ARAF: variants seen among roughly 807,000 people sequenced by gnomAD.
The protein encoded by ARAF is serine/threonine-protein kinase A-Raf.
A neutral mutation model predicts 48.0 loss-of-function variants in ARAF; 18 were observed. The ratio of observed to expected loss-of-function variants is 0.37; its 90% CI spans 0.26 to 0.56. The LOEUF is 0.56. Among genes scored for constraint, ARAF ranks in the 20% least tolerant of loss-of-function variants. The pLI is 0.77. For missense variants in ARAF, 389 were observed against 543.1 expected, an observed-to-expected ratio of 0.72 and a Z score of 2.82; for synonymous variants, 207 against 220.1, an observed-to-expected ratio of 0.94 and a Z score of 0.53.
At chrX:47,571,215 GTGT>G in intron 15 of ARAF, 105 bp from the exon 16 acceptor site, 1 of 809,991 alleles carries the variant, frequency 1.2e-6, no homozygotes, top group Non-Finnish European at 1.7e-6. Context: ...ACTGTTGGGT[GTGT>G]GTGTGTGTGT....
rs780392848 is a variant in ARAF, at chrX:47,569,605, G to A, written c.1367G>A (p.Arg456Gln). Residue 456 changes from arginine to glutamine, a missense_variant, in exon 13 of 16, where the codon CGA (arginine) becomes CAA (glutamine). By Grantham distance (43) the Arg-to-Gln change is conservative. Coordinates refer to ENST00000377045, the MANE Select transcript of ARAF (RefSeq NM_001654.5). ...GDFGLATVKTRWSGAQPLEQP... is the reference protein window; with the variant it reads ...GDFGLATVKTQWSGAQPLEQP... ...TTTGGCTTGGCCACAGTGAAGACTC[G>A]ATGGAGCGGGGCCCAGCCCTTGGAG... The A allele has an allele frequency of 4.1e-6, 5 of 1,207,639 alleles. No homozygotes were observed. The highest frequency in any genetic ancestry group is 3.0e-5 in the East Asian group (1 of 33,690).
Position 47,569,958 on chromosome X carries a change from C to A in ARAF, c.1485C>A (p.Tyr495Ter). The A allele has an allele frequency of 8.3e-7, 1 of 1,205,187 alleles. No individual in the cohort carries two copies. Among genetic ancestry groups the A allele is most frequent in the Non-Finnish European group, 1.1e-6 (1 of 892,489 alleles). The part of the protein sequence containing the change: ...PYSFQSDVYA[Y>*]GVVLYELMTG... ...GCTTCCAGTCAGACGTCTATGCCTACGGGGTTGTGCTCTACGAGCTTATGA... is the reference window on the plus strand; with the variant it reads ...GCTTCCAGTCAGACGTCTATGCCTAAGGGGTTGTGCTCTACGAGCTTATGA... Residue 495 changes from tyrosine (Y) to a stop codon, truncating the protein, a stop_gained, in exon 14 of 16, where the codon TAC becomes TAA. Transcript: ENST00000377045. LOFTEE classifies it high-confidence loss of function.
chrX:47,569,696 G>A (rs1173092740), intron 13 of ARAF, 39 bp downstream of exon 13: 6 of 1,163,388 alleles, frequency 5.2e-6, no homozygotes, highest in East Asian at 3.0e-5. Context: ...ACATGGGGAC[G>A]TGGGCTCCGG....
intron 1 of ARAF, 109 bp from the exon 2 acceptor site, chrX:47,562,800 G>T (rs1413152931): frequency 4.6e-6 from 2 of 436,911 alleles, no homozygotes; most frequent in African/African-American, 4.9e-5. Context: ...TGAAAATTAG[G>T]CTGCAGGGGG....
At position 47,568,828 on chromosome X, in the gene ARAF, T is replaced by C; in HGVS notation, c.1187T>C (p.Val396Ala). Residue 396 changes from valine (V) to alanine (A), a missense_variant, in exon 11 of 16, where the codon GTG (valine) becomes GCG (alanine). Val to Ala is a moderately conservative substitution (Grantham distance 64). Transcript: ENST00000377045. ...EGSSLYHHLHVADTRFDMVQL... is the reference protein window; with the variant it reads ...EGSSLYHHLHAADTRFDMVQL... ...TCCAGCCTCTACCATCACCTGCATGTGGCCGACACACGCTTCGACATGGTC... is the reference window on the plus strand; with the variant it reads ...TCCAGCCTCTACCATCACCTGCATGCGGCCGACACACGCTTCGACATGGTC... The C allele has an allele frequency of 2.5e-6, 3 of 1,210,561 alleles. No homozygotes were observed. Among genetic ancestry groups the C allele is most frequent in the Non-Finnish European group, 3.4e-6 (3 of 895,123 alleles).
At chrX:47,561,767 A>G in intron 1 of ARAF, among the ~76,000 whole-genome samples, 1 of 107,118 alleles carries the variant, frequency 9.3e-6, no homozygotes, top group Non-Finnish European at 1.9e-5. Flanking sequence ...GTTGTCAAGG[A>G]GAATTTTGGA....
In ARAF at chrX:47,567,077, G is replaced by A; in HGVS notation, c.819G>A (p.Lys273=). The A allele has an allele frequency of 8.3e-7, 1 of 1,212,100 alleles. No individual in the cohort carries two copies. Among genetic ancestry groups the A allele is most frequent in the Non-Finnish European group, 1.1e-6 (1 of 895,634 alleles). Residue 273 remains lysine, a synonymous_variant, in exon 9 of 16, where the codon AAG becomes AAA. Transcript: ENST00000377045. Reference sequence around the variant, plus strand: ...CGGGGAGGAAGTCCCCACATTCCAAGTCACCAGCAGAGCAGCGCGAGCGGA... The same window carrying A: ...CGGGGAGGAAGTCCCCACATTCCAAATCACCAGCAGAGCAGCGCGAGCGGA... ...VSSGRKSPHS[K]SPAEQRERKS...
rs764281834 is a variant in ARAF, at chrX:47,571,372, G to A, written c.1736G>A (p.Arg579Gln). Residue 579 changes from arginine (R) to glutamine (Q), a missense_variant, in exon 16 of 16, where the codon CGG becomes CAG. Transcript: ENST00000377045. ...LLQRSLPKIE[R>Q]SASEPSLHRT... The stretch of plus-strand genomic sequence containing the variant: ...CAACGGTCACTCCCCAAGATTGAGC[G>A]GAGTGCCTCGGAACCCTCCTTGCAC... 1.7e-6 allele frequency: 2 copies of A among 1,210,294 alleles called. No individual in the cohort carries two copies. The highest frequency in any genetic ancestry group is 2.2e-6 in the Non-Finnish European group (2 of 894,905).
chrX:47,566,715 T>C lies in ARAF; in HGVS notation c.634T>C (p.Ser212Pro). ...CAATGCCCCCCTACAGCGCATCCGC[T>C]CCACGTCCACTCCCAACGTCCATAT... ...PANAPLQRIR[S>P]TSTPNVHMVS... Residue 212 changes from serine to proline, a missense_variant, in exon 7 of 16, where the codon TCC (serine) becomes CCC (proline). Physicochemically the swap from Ser to Pro is moderately conservative, Grantham distance 74 (BLOSUM62 -1). Around this residue, in one of 4 missense-constraint regions of ARAF, gnomAD observed 154 missense variants for 133.6 expected, o/e 1.15. Coordinates refer to ENST00000377045, the MANE Select transcript of ARAF (RefSeq NM_001654.5). The C allele has an allele frequency of 8.3e-7, 1 of 1,206,753 alleles. No individual in the cohort carries two copies. Among genetic ancestry groups the C allele is most frequent in the Non-Finnish European group, 1.1e-6 (1 of 893,304 alleles).
At position 47,563,003 on chromosome X, in the gene ARAF, C is replaced by T. The variant is rs773815973; in HGVS notation, c.36C>T (p.Ala12=). The change falls in exon 2 of 16, where the codon GCC becomes GCT. Residue 12 remains alanine (A), a synonymous_variant. Transcript: ENST00000377045. ...EPPRGPPANG[A]EPSRAVGTVK... ...CACGGGGCCCCCCTGCCAATGGGGC[C>T]GAGCCATCCCGGGCAGTGGGCACCG... 11 of 1,194,111 alleles carry T rather than the reference C, an allele frequency of 9.2e-6. No homozygotes were observed. The highest frequency in any genetic ancestry group is 3.7e-5 in the South Asian group (2 of 54,452).
At position 47,563,034 on chromosome X, in the gene ARAF, G is replaced by C; in HGVS notation, c.67G>C (p.Val23Leu). Residue 23 changes from valine to leucine, a missense_variant, in exon 2 of 16, where the codon GTA (valine) becomes CTA (leucine). Val to Leu is a conservative substitution (Grantham distance 32). Transcript: ENST00000377045. ...EPSRAVGTVK[V>L]YLPNKQRTVV... is the part of the protein sequence containing the mutation. ...ATCCCGGGCAGTGGGCACCGTCAAA[G>C]TATACCTGCCCAACAAGCAACGCAC... is the stretch of plus-strand genomic sequence containing the variant. 1 of 1,200,387 alleles carries C rather than the reference G, an allele frequency of 8.3e-7. No individual in the cohort carries two copies. The highest frequency in any genetic ancestry group is 1.1e-6 in the Non-Finnish European group (1 of 889,729).
At chrX:47,562,440 A>G (rs1183945028) in intron 1 of ARAF, among the ~76,000 whole-genome samples, 2 of 102,712 alleles carry the variant, frequency 1.9e-5, no homozygotes, top group African/African-American at 7.1e-5. Context: ...AGCTGAGACC[A>G]TGCCATTGCA....
chrX:47,563,409 T>A, intron 3 of ARAF, 80 bp downstream of exon 3: 1 of 772,110 alleles, frequency 1.3e-6, no homozygotes, highest in Non-Finnish European at 1.9e-6. Flanking sequence ...CCTTCTGTAC[T>A]TTATCACAGA....
At chrX:47,569,128 A>G (rs2057745023) in intron 12 of ARAF, 95 bp downstream of exon 12, 1 of 1,060,367 alleles carries the variant, frequency 9.4e-7, no homozygotes, top group Non-Finnish European at 1.3e-6. Context: ...AGGGAGGGGC[A>G]TGTGTCCCAG....
At chrX:47,564,736 T>C (rs1248282489) in intron 3 of ARAF, 61 bp from the exon 4 acceptor site, 1 of 969,407 alleles carries the variant, frequency 1.0e-6, no homozygotes, top group Non-Finnish European at 1.4e-6. Context: ...TTGTGGGGGT[T>C]CCCTGCCTCC....
chrX:47,568,622 C>T, intron 10 of ARAF, 96 bp from the exon 11 acceptor site: 1 of 929,164 alleles, frequency 1.1e-6, no homozygotes. Context: ...AAATAAATGA[C>T]CGAGGAAGGT....
intron 6 of ARAF, chrX:47,565,867 A>G: frequency 6.4e-6 from 1 of 155,611 alleles, no homozygotes; most frequent in Non-Finnish European, 1.1e-5. Flanking sequence ...TGCATATTTT[A>G]TGGTATATTT....
intron 15 of ARAF, 98 bp downstream of exon 15, chrX:47,571,110 AGTGTGTGTGTGTGTGTGT>A (rs34644595): frequency 9.7e-6 from 8 of 820,992 alleles, no homozygotes; most frequent in Non-Finnish European, 1.3e-5. Context: ...TCAGAGGTAT[AGTGTGTGTGTGTGTGTGT>A]GTGTGTGTGT....
chrX:47,569,061 G>T, intron 12 of ARAF, 28 bp downstream of exon 12: 1 of 1,181,537 alleles, frequency 8.5e-7, no homozygotes, highest in Non-Finnish European at 1.1e-6. Context: ...GGCTGGGGTT[G>T]AGTGGGGGTG....
Sources: gnomAD v4.1 joint callset for allele counts (sites outside exome capture counted in the v4.1 genomes callset) on GRCh38, gnomAD v4.1.1 for gene constraint, gnomAD v4.1.1 regional missense constraint, MANE v1.5 for transcripts, NCBI Gene and HGNC (gene_info 2026-07-23, HGNC 2026-07-21) for gene names.